The following LRRC69 variants were observed in gnomAD, a reference collection of about 807,000 sequenced individuals.
LRRC69 encodes the protein leucine rich repeat containing 69.
In LRRC69, 42 loss-of-function variants were observed where a neutral mutation model predicts 37.8. That is an observed-to-expected ratio of 1.11 (90% CI 0.87 to 1.44). The LOEUF (loss-of-function observed/expected upper bound fraction) is 1.44. Ranked by LOEUF, LRRC69 falls within the 40% of genes most tolerant of loss-of-function variation. The pLI, the probability that LRRC69 is intolerant of heterozygous loss-of-function variation, is 0.00. For missense variants in LRRC69, 357 were observed against 401.9 expected (o/e 0.89, Z 0.96); for synonymous variants, 141 against 143.1 (o/e 0.99, Z 0.11).
intron 1 of LRRC69, among the ~76,000 whole-genome samples, chr8:91,106,160 T>C (rs1813307952): frequency 6.6e-6 from 1 of 152,066 alleles, no homozygotes; most frequent in African/African-American, 2.4e-5. Flanking sequence ...TCTCTAAAAT[T>C]CCCGTGTACT....
At chr8:91,219,099 G>A (rs923121934), downstream of LRRC69, 126 of 492,134 alleles carry the variant, frequency 2.6e-4, no homozygotes, top group Non-Finnish European at 3.1e-4. Context: ...TGTTCTCTTT[G>A]TCAACACATT....
At chr8:91,169,027 C>T (rs1160203610) in intron 5 of LRRC69, among the ~76,000 whole-genome samples, 3 of 151,880 alleles carry the variant, frequency 2.0e-5, no homozygotes, top group Middle Eastern at 3.2e-3. Context: ...GACACTTCAT[C>T]AACAATTCAG....
chr8:91,176,605 G>A (rs1429931708), intron 5 of LRRC69, among the ~76,000 whole-genome samples: 1 of 152,100 alleles, frequency 6.6e-6, no homozygotes, highest in Non-Finnish European at 1.5e-5. Flanking sequence ...CAAGCTGAAG[G>A]CCCAGGAAAG....
chr8:91,161,213 T>G (rs1390279860), intron 5 of LRRC69, among the ~76,000 whole-genome samples: 1 of 151,372 alleles, frequency 6.6e-6, no homozygotes, highest in African/African-American at 2.4e-5. Flanking sequence ...TTTTTTAAGG[T>G]TTTTGCATCT....
At chr8:91,212,018 T>A (rs1003066007) in intron 7 of LRRC69, among the ~76,000 whole-genome samples, 2 of 152,158 alleles carry the variant, frequency 1.3e-5, no homozygotes, top group East Asian at 3.8e-4. Flanking sequence ...TCAATCTTGA[T>A]CATAATTAAT....
At chr8:91,209,492 A>G (rs1416291747) in intron 7 of LRRC69, 1 of 152,180 alleles carries the variant, frequency 6.6e-6, no homozygotes, top group Non-Finnish European at 1.5e-5. Flanking sequence ...AAGAATACGG[A>G]AGTGAAGCCA....
intron 1 of LRRC69, chr8:91,118,532 G>GAA: frequency 4.3e-6 from 1 of 232,850 alleles, no homozygotes; most frequent in Non-Finnish European, 8.5e-6. Context: ...GTCTCAAAAG[G>GAA]AAAAAAAAAT....
intron 7 of LRRC69, among the ~76,000 whole-genome samples, chr8:91,212,843 T>G (rs1809955768): frequency 6.6e-6 from 1 of 152,204 alleles, no homozygotes; most frequent in African/African-American, 2.4e-5. Context: ...TTAAAATGGA[T>G]ATATATTTCT....
chr8:91,197,444 C>A (rs535887073), intron 6 of LRRC69, among the ~76,000 whole-genome samples: 1 of 152,040 alleles, frequency 6.6e-6, no homozygotes, highest in Non-Finnish European at 1.5e-5. Flanking sequence ...CCCCCAGCCT[C>A]GCTGCCGCCT....
intron 5 of LRRC69, among the ~76,000 whole-genome samples, chr8:91,171,013 G>A (rs945415955): frequency 5.4e-5 from 8 of 149,200 alleles, no homozygotes; most frequent in Non-Finnish European, 8.9e-5. Flanking sequence ...CTGACAAAGG[G>A]CTAATATCCA....
intron 1 of LRRC69, among the ~76,000 whole-genome samples, chr8:91,122,948 C>G (rs1450543156): frequency 2.6e-5 from 4 of 152,012 alleles, no homozygotes; most frequent in Non-Finnish European, 4.4e-5. Flanking sequence ...TGGGAGGTTA[C>G]CCTAGATTAT....
rs1444744422 is a variant in LRRC69 at position 91,194,838 on chromosome 8, T to A, written c.753+5215T>A. Among the ~76,000 whole-genome samples, 64 of 152,276 alleles carry A rather than the reference T, an allele frequency of 4.2e-4. 1 individual carries two copies. In the South Asian group the frequency reaches 0.013, roughly 31 times the overall value. On this transcript the variant is annotated intron_variant, in intron 6 of 7. Transcript: ENST00000448384. Reference sequence around the variant, plus strand: ...TTTTGAAGGGTTTTTTGTGTCTGTATTTCCTTCAGTTCTGCTCTGATTTTA... The same window carrying A: ...TTTTGAAGGGTTTTTTGTGTCTGTAATTCCTTCAGTTCTGCTCTGATTTTA...
At chr8:91,193,394 G>T (rs1480124025) in intron 6 of LRRC69, among the ~76,000 whole-genome samples, 1 of 142,358 alleles carries the variant, frequency 7.0e-6, no homozygotes, top group Admixed American at 7.2e-5. Flanking sequence ...GAAAGGCATT[G>T]GTAGCTTGAT....
At chr8:91,137,973 A>C (rs1049382836) in intron 5 of LRRC69, among the ~76,000 whole-genome samples, 3 of 152,044 alleles carry the variant, frequency 2.0e-5, no homozygotes, top group Non-Finnish European at 4.4e-5. Context: ...AGTCATATAC[A>C]CATGGATTTA....
chr8:91,140,978 G>GTGT (rs1375817973), intron 5 of LRRC69, among the ~76,000 whole-genome samples: 1 of 151,924 alleles, frequency 6.6e-6, no homozygotes, highest in Non-Finnish European at 1.5e-5. Context: ...TAATCATTGG[G>GTGT]TGTTCTTCTA....
chr8:91,194,425 C>T (rs989601678), intron 6 of LRRC69, among the ~76,000 whole-genome samples: 1 of 151,874 alleles, frequency 6.6e-6, no homozygotes, highest in African/African-American at 2.4e-5. Flanking sequence ...AGGAATGGTA[C>T]CAGTTCCTCC....
At chr8:91,189,567 C>T in exon 6 of LRRC69, 1 of 1,551,172 alleles carries the variant, frequency 6.4e-7, no homozygotes, top group South Asian at 1.2e-5. Flanking sequence ...GGGAAACCCA[C>T]TGTTCCTGCA....
intron 5 of LRRC69, among the ~76,000 whole-genome samples, chr8:91,175,712 A>G (rs1288995668): frequency 6.6e-6 from 1 of 152,108 alleles, no homozygotes; most frequent in East Asian, 1.9e-4. Flanking sequence ...TCAACAGAGT[A>G]GGAAACGTTT....
intron 5 of LRRC69, among the ~76,000 whole-genome samples, chr8:91,153,296 T>G (rs1203077889): frequency 6.6e-6 from 1 of 150,750 alleles, no homozygotes; most frequent in Non-Finnish European, 1.5e-5. Context: ...CTGTCAATAT[T>G]AGATCATTGA....
Sources: gnomAD v4.1 joint callset for allele counts (sites outside exome capture counted in the v4.1 genomes callset) on GRCh38, gnomAD v4.1.1 for gene constraint, MANE v1.5 for transcripts, NCBI Gene and HGNC (gene_info 2026-07-23, HGNC 2026-07-21) for gene names.